The following ACAD9 variants were observed in gnomAD, a reference collection of about 807,000 sequenced individuals.
ACAD9 encodes the protein complex I assembly factor ACAD9, mitochondrial.
Under a neutral mutation model 70.2 loss-of-function variants are expected in ACAD9, and 53 were observed. That is an observed-to-expected ratio of 0.75 (90% CI 0.61 to 0.95). The LOEUF is 0.95. ACAD9 is among the 40% of genes least tolerant of loss of function. The pLI, the probability that ACAD9 is intolerant of heterozygous loss-of-function variation, is 0.00. For missense variants in ACAD9, 777 were observed against 802.8 expected, an observed-to-expected ratio of 0.97 and a Z score of 0.39; for synonymous variants, 313 against 312.1, an observed-to-expected ratio of 1.00 and a Z score of -0.03.
chr3:128,908,735 T>G (rs1935991570), intron 13 of ACAD9: 1 of 608,160 alleles, frequency 1.6e-6, no homozygotes, highest in Admixed American at 2.8e-5. Flanking sequence ...AGGAGACAGC[T>G]GCTGGGAAGC....
At chr3:128,896,749 C>T (rs1576338725) in intron 5 of ACAD9, among the ~76,000 whole-genome samples, 1 of 152,220 alleles carries the variant, frequency 6.6e-6, no homozygotes, top group South Asian at 2.1e-4. Context: ...CCACGCTTGA[C>T]AGCACTTATT....
intron 9 of ACAD9, among the ~76,000 whole-genome samples, chr3:128,903,394 T>C (rs1348626293): frequency 1.3e-5 from 2 of 152,186 alleles, no homozygotes; most frequent in Admixed American, 1.3e-4. Flanking sequence ...GGCTCAGGGC[T>C]CTTCTTACTC....
At chr3:128,903,362 A>G (rs1935797332) in intron 9 of ACAD9, among the ~76,000 whole-genome samples, 2 of 152,194 alleles carry the variant, frequency 1.3e-5, no homozygotes, top group Non-Finnish European at 2.9e-5. Context: ...CCTGGACCCA[A>G]AATGAAAGCT....
chr3:128,906,020 TCTC>T lies in ACAD9; in HGVS notation c.1150-96_1150-94del, dbSNP rs375860951. ...ACCCCTCAAGTTCCTCCCTGGCCGATCTCCTCCCCAAGCCCGTGTGCCTCCCAT... is the reference window on the plus strand; with the variant it reads ...ACCCCTCAAGTTCCTCCCTGGCCGATCTCCCCAAGCCCGTGTGCCTCCCAT... On this transcript the variant is annotated intron_variant, in intron 11 of 17. Coordinates refer to ENST00000308982, the MANE Select transcript of ACAD9 (RefSeq NM_014049.5). 4.0e-5 allele frequency: 62 copies of T among 1,544,466 alleles called. No individual in the cohort carries two copies. In the African/African-American group the frequency reaches 4.9e-4, roughly 12 times the overall value.
chr3:128,890,232 G>A (rs866490152), intron 2 of ACAD9, among the ~76,000 whole-genome samples: 4 of 152,016 alleles, frequency 2.6e-5, no homozygotes, highest in South Asian at 2.1e-4. Flanking sequence ...TTATAGGTGC[G>A]TGCCACCACA....
At position 128,880,596 on chromosome 3, in the gene ACAD9, G is replaced by A. The variant is rs530769396; in HGVS notation, c.150+755G>A. Among the ~76,000 whole-genome samples the A allele has an allele frequency of 2.0e-5, 3 of 151,880 alleles. No individual in the cohort carries two copies. The South Asian group carries it at 6.2e-4, about 32-fold the overall frequency. ...GCAGAGACGGGGTTTCACCATGTTG[G>A]CCAAGCTGGTCTAGAACTGACCTCG... On this transcript the variant is annotated intron_variant, in intron 1 of 17. Coordinates refer to ENST00000308982, the MANE Select transcript of ACAD9 (RefSeq NM_014049.5).
chr3:128,881,731 G>A (rs532747110), intron 1 of ACAD9, among the ~76,000 whole-genome samples: 2 of 152,200 alleles, frequency 1.3e-5, no homozygotes, highest in South Asian at 2.1e-4. Flanking sequence ...ACGCACTTTC[G>A]TCTCTGGTTT....
chr3:128,910,673 G>C, intron 16 of ACAD9, 68 bp from the exon 17 acceptor site: 1 of 1,573,800 alleles, frequency 6.4e-7, no homozygotes, highest in Non-Finnish European at 8.7e-7. Context: ...TGATAGGCTG[G>C]GTTTTTGAAG....
chr3:128,888,899 GT>G (rs34058924), intron 2 of ACAD9, among the ~76,000 whole-genome samples: 81,264 of 139,992 alleles, frequency 0.58, 25,616 homozygotes, highest in African/African-American at 0.87. Flanking sequence ...GGTTTGTCAG[GT>G]TTTTTTTTTT....
At position 128,912,303 on chromosome 3, in the gene ACAD9, G is replaced by C. The variant is rs113764236; in HGVS notation, c.1766-204G>C. On this transcript the variant is annotated intron_variant, in intron 17 of 17. Transcript: ENST00000308982. The stretch of plus-strand genomic sequence containing the variant: ...TGGGGGTTAGAGATGAGCAGGATGA[G>C]TCCTTTGTAACTGAGAATGAAGCTG... Among the ~76,000 whole-genome samples, 693 of 152,290 alleles carry C rather than the reference G, an allele frequency of 4.6e-3. 2 individuals carry two copies. The highest frequency in any genetic ancestry group is 0.016 in the African/African-American group (652 of 41,556).
chr3:128,899,568 G>C, intron 7 of ACAD9, 107 bp downstream of exon 7: 1 of 1,197,122 alleles, frequency 8.4e-7, no homozygotes, highest in Admixed American at 2.5e-5. Flanking sequence ...GTGTGTAAGG[G>C]GGAGACTGGC....
intron 1 of ACAD9, among the ~76,000 whole-genome samples, chr3:128,881,822 T>C (rs1419262556): frequency 6.6e-6 from 1 of 152,234 alleles, no homozygotes; most frequent in Non-Finnish European, 1.5e-5. Context: ...TGCTGGTTCT[T>C]ATTCAGCTCC....
rs752746537 is a variant in ACAD9, at chr3:128,912,686, A to G, written c.*79A>G. On this transcript the variant is annotated 3_prime_UTR_variant, in exon 18 of 18. Transcript: ENST00000308982. ...GGATGACTGTTACTCTTTTTTCAGAAGGTGTTGGGATTATCACAGGTTAAG... is the reference window on the plus strand; with the variant it reads ...GGATGACTGTTACTCTTTTTTCAGAGGGTGTTGGGATTATCACAGGTTAAG... 7.8e-7 allele frequency: 1 copy of G among 1,277,954 alleles called. No homozygotes were observed. The highest frequency in any genetic ancestry group is 1.2e-5 in the South Asian group (1 of 84,446). 79.2% of individuals were successfully genotyped at this position (1,277,954 alleles called of 1,614,324 possible). A position where few individuals can be genotyped will look rare whatever the true frequency, so the allele number is the denominator to read the frequency against.
intron 6 of ACAD9, among the ~76,000 whole-genome samples, 190 bp from the exon 7 acceptor site, chr3:128,899,097 C>G (rs1397304935): frequency 6.6e-6 from 1 of 152,178 alleles, no homozygotes; most frequent in African/African-American, 2.4e-5. Flanking sequence ...TGGGAAAATC[C>G]TTGCTCTGGG....
intron 11 of ACAD9, 135 bp downstream of exon 11, chr3:128,904,640 C>G (rs897743749): frequency 7.8e-6 from 11 of 1,417,392 alleles, no homozygotes; most frequent in Non-Finnish European, 1.0e-5. Context: ...TGCACTTGCC[C>G]TGTGTAGCAC....
intron 3 of ACAD9, among the ~76,000 whole-genome samples, chr3:128,894,816 T>C (rs1475801745): frequency 1.3e-5 from 2 of 151,696 alleles, no homozygotes; most frequent in Non-Finnish European, 2.9e-5. Context: ...ATTACAGGCG[T>C]GAGCCACTGT....
At chr3:128,903,785 C>T (rs962161077) in intron 9 of ACAD9, among the ~76,000 whole-genome samples, 2 of 152,138 alleles carry the variant, frequency 1.3e-5, no homozygotes, top group Admixed American at 6.5e-5. Context: ...AGGGAGGTGT[C>T]GCACTCGGCC....
In ACAD9 at chr3:128,903,792, G is replaced by C. The variant is rs561113299; in HGVS notation, c.959-270G>C. ...TGGTGTTCAGGGAGGTGTCGCACTCGGCCTGAGGCACAGCCTGTAAGAACC... is the reference window on the plus strand; with the variant it reads ...TGGTGTTCAGGGAGGTGTCGCACTCCGCCTGAGGCACAGCCTGTAAGAACC... On this transcript the variant is annotated intron_variant, in intron 9 of 17. Transcript: ENST00000308982. Among the ~76,000 whole-genome samples the C allele has an allele frequency of 2.0e-5, 3 of 152,266 alleles. No individual in the cohort carries two copies. The South Asian group carries it at 6.2e-4, about 32-fold the overall frequency.
chr3:128,890,944 C>T (rs906098873), intron 2 of ACAD9, among the ~76,000 whole-genome samples: 6 of 151,150 alleles, frequency 4.0e-5, no homozygotes, highest in South Asian at 2.1e-4. Context: ...CAGGTTCAAG[C>T]GATTCTCCTG....
Sources: allele counts gnomAD v4.1 joint callset (sites outside exome capture counted in the v4.1 genomes callset), GRCh38; gene constraint gnomAD v4.1.1; transcripts MANE v1.5; gene names NCBI Gene and HGNC (gene_info 2026-07-23, HGNC 2026-07-21).